The following RNLS variants were observed in gnomAD, a reference collection of about 807,000 sequenced individuals.
RNLS encodes the protein renalase.
A neutral mutation model predicts 39.8 loss-of-function variants in RNLS; 39 were observed. That is an observed-to-expected ratio of 0.98 (90% CI 0.76 to 1.28). RNLS has a LOEUF of 1.28. Ranked by LOEUF, RNLS falls within the 50% of genes most tolerant of loss-of-function variation. RNLS has a pLI of 0.00. For missense variants in RNLS, 410 were observed against 413.3 expected (o/e 0.99, Z 0.07); for synonymous variants, 147 against 150.7 (o/e 0.98, Z 0.18).
At chr10:88,451,122 G>A (rs1412300306) in intron 4 of RNLS, among the ~76,000 whole-genome samples, 2 of 152,176 alleles carry the variant, frequency 1.3e-5, no homozygotes, top group Non-Finnish European at 2.9e-5. Context: ...GCAAAGATGA[G>A]GGGCATAGAC....
intron 4 of RNLS, among the ~76,000 whole-genome samples, chr10:88,527,631 T>A (rs905032966): frequency 6.6e-6 from 1 of 152,178 alleles, no homozygotes; most frequent in Non-Finnish European, 1.5e-5. Context: ...CTTTCCTGAT[T>A]TTCCTTGGTG....
At chr10:88,374,867 C>G (rs2133455118) in intron 4 of RNLS, among the ~76,000 whole-genome samples, 1 of 152,176 alleles carries the variant, frequency 6.6e-6, no homozygotes, top group South Asian at 2.1e-4. Flanking sequence ...ACCCCCAGCT[C>G]AGGCAGCAAG....
intron 5 of RNLS, among the ~76,000 whole-genome samples, chr10:88,321,932 G>T (rs1308035142): frequency 1.3e-5 from 2 of 152,276 alleles, no homozygotes; most frequent in African/African-American, 4.8e-5. Flanking sequence ...TGAGGCGGAG[G>T]CATTCTTCCC....
At chr10:88,574,486 T>C (rs967439198) in intron 3 of RNLS, among the ~76,000 whole-genome samples, 8 of 152,244 alleles carry the variant, frequency 5.3e-5, no homozygotes, top group Admixed American at 5.2e-4. Flanking sequence ...AATTTTGACA[T>C]TGATTCAAAA....
chr10:88,201,523 T>C, the RNLS span, among the ~76,000 whole-genome samples: 2 of 152,058 alleles, frequency 1.3e-5, no homozygotes, highest in East Asian at 1.9e-4. Flanking sequence ...AGATAAATTG[T>C]CATGGTGGGG....
intron 4 of RNLS, among the ~76,000 whole-genome samples, chr10:88,430,689 AAC>A (rs1418807604): frequency 1.3e-5 from 2 of 151,764 alleles, no homozygotes; most frequent in Non-Finnish European, 3.0e-5. Flanking sequence ...CTGGTTTGCT[AAC>A]AGTTTTTATC....
At chr10:88,488,030 T>C (rs953650318) in intron 4 of RNLS, among the ~76,000 whole-genome samples, 4 of 152,028 alleles carry the variant, frequency 2.6e-5, no homozygotes, top group African/African-American at 7.2e-5. Flanking sequence ...AACCTATCTA[T>C]ATAGAGAGAA....
At chr10:88,358,242 TA>T (rs1200452712) in intron 5 of RNLS, among the ~76,000 whole-genome samples, 3 of 152,084 alleles carry the variant, frequency 2.0e-5, no homozygotes, top group Non-Finnish European at 4.4e-5. Flanking sequence ...CTTTCATTTC[TA>T]AAAAAAATCT....
At chr10:88,215,761 G>A in the RNLS span, among the ~76,000 whole-genome samples, 5 of 146,630 alleles carry the variant, frequency 3.4e-5, no homozygotes, top group East Asian at 2.0e-4. Context: ...GTGCAATGGC[G>A]TGATCTTGGC....
chr10:88,242,952 AAC>A, the RNLS span, among the ~76,000 whole-genome samples: 1 of 151,340 alleles, frequency 6.6e-6, no homozygotes, highest in African/African-American at 2.4e-5. Flanking sequence ...TGTCAAAACA[AAC>A]AAACAAACAA....
intron 4 of RNLS, among the ~76,000 whole-genome samples, chr10:88,522,914 G>C (rs547490656): frequency 6.6e-6 from 1 of 152,240 alleles, no homozygotes; most frequent in African/African-American, 2.4e-5. Context: ...AAGTGCAAAT[G>C]CACCACTGGT....
At chr10:88,240,268 A>T in the RNLS span, among the ~76,000 whole-genome samples, 1 of 152,324 alleles carries the variant, frequency 6.6e-6, no homozygotes, top group Admixed American at 6.5e-5. Context: ...AACTGCTGGC[A>T]GCTTTGGGCT....
At chr10:88,410,905 T>A (rs1853614176) in intron 4 of RNLS, among the ~76,000 whole-genome samples, 1 of 152,156 alleles carries the variant, frequency 6.6e-6, no homozygotes, top group South Asian at 2.1e-4. Flanking sequence ...CTTTCTTGTG[T>A]ATTGAGGTAC....
At chr10:88,527,580 T>C (rs542666701) in intron 4 of RNLS, among the ~76,000 whole-genome samples, 7 of 152,194 alleles carry the variant, frequency 4.6e-5, no homozygotes, top group Non-Finnish European at 1.0e-4. Flanking sequence ...TATAGATTAA[T>C]TGTAATTCTA....
At position 88,369,487 on chromosome 10, in the gene RNLS, C is replaced by A. The variant is rs141782857; in HGVS notation, c.527-6762G>T. Among the ~76,000 whole-genome samples, 9 of 152,278 alleles carry A rather than the reference C, an allele frequency of 5.9e-5. No individual in the cohort carries two copies. In the East Asian group the frequency reaches 1.7e-3, roughly 29 times the overall value. On this transcript the variant is annotated intron_variant, in intron 4 of 6. Coordinates refer to ENST00000331772, the MANE Select transcript of RNLS (RefSeq NM_001031709.3). ...GTGTTGGCAATGGTGAGCTCCTTTA[C>A]AGCTAAAGTTCCTTTCAGGTGGCTC... is the stretch of plus-strand genomic sequence containing the variant.
chr10:88,409,570 T>C (rs1183828478), intron 4 of RNLS, among the ~76,000 whole-genome samples: 1 of 152,144 alleles, frequency 6.6e-6, no homozygotes, highest in Non-Finnish European at 1.5e-5. Context: ...ATATCCCCCA[T>C]ATTTGAAAAT....
At chr10:88,395,633 C>A (rs1029884972) in intron 4 of RNLS, among the ~76,000 whole-genome samples, 1 of 151,894 alleles carries the variant, frequency 6.6e-6, no homozygotes, top group Non-Finnish European at 1.5e-5. Context: ...AATATATGCA[C>A]AGTGGGAGTC....
intron 5 of RNLS, among the ~76,000 whole-genome samples, chr10:88,354,962 T>C (rs1038033211): frequency 1.3e-5 from 2 of 152,240 alleles, no homozygotes; most frequent in Non-Finnish European, 1.5e-5. Flanking sequence ...ATTTCATTCA[T>C]CTGATCATCC....
intron 4 of RNLS, among the ~76,000 whole-genome samples, chr10:88,524,956 C>T (rs1272711324): frequency 2.6e-5 from 2 of 76,296 alleles, no homozygotes; most frequent in East Asian, 5.8e-4. Flanking sequence ...ATGGCACACA[C>T]ATACATATAT....
Sources: allele counts gnomAD v4.1 joint callset (sites outside exome capture counted in the v4.1 genomes callset), GRCh38; gene constraint gnomAD v4.1.1; transcripts MANE v1.5; gene names NCBI Gene and HGNC (gene_info 2026-07-23, HGNC 2026-07-21).